The following MSI2 variants were observed in gnomAD, a reference collection of about 807,000 sequenced individuals.
MSI2 encodes the protein RNA-binding protein Musashi homolog 2.
In MSI2, 17 loss-of-function variants were observed where a neutral mutation model predicts 45.6. That is an observed-to-expected ratio of 0.37 (90% CI 0.26 to 0.56). The LOEUF is 0.56. Ranked by LOEUF, MSI2 falls within the 20% of genes least tolerant of loss-of-function variation. The pLI is 0.77. For missense variants in MSI2, 293 were observed against 444.2 expected (o/e 0.66, Z 3.06); for synonymous variants, 156 against 158.2 (o/e 0.99, Z 0.11).
chr17:57,377,751 C>A (rs577541164), intron 5 of MSI2, among the ~76,000 whole-genome samples: 1 of 152,020 alleles, frequency 6.6e-6, no homozygotes, highest in Non-Finnish European at 1.5e-5. Context: ...CTAGATAGAA[C>A]CTGTCTTCCA....
chr17:57,425,276 A>G (rs1320021697), intron 6 of MSI2, among the ~76,000 whole-genome samples: 1 of 145,820 alleles, frequency 6.9e-6, no homozygotes, highest in Non-Finnish European at 1.5e-5. Context: ...TGATCTGTAA[A>G]TGAAGGAAGT....
intron 7 of MSI2, among the ~76,000 whole-genome samples, chr17:57,542,499 C>G (rs117116234): frequency 1.3e-5 from 2 of 152,162 alleles, no homozygotes; most frequent in African/African-American, 2.4e-5. Context: ...GGAATTGGAT[C>G]GATGGTTTCC....
At chr17:57,671,056 T>A (rs1912738505) in intron 11 of MSI2, among the ~76,000 whole-genome samples, 1 of 152,058 alleles carries the variant, frequency 6.6e-6, no homozygotes, top group Admixed American at 6.6e-5. Context: ...CCTTACATCA[T>A]TGCTGCCTCT....
intron 6 of MSI2, among the ~76,000 whole-genome samples, chr17:57,515,646 T>C (rs2086455989): frequency 6.6e-6 from 1 of 152,174 alleles, no homozygotes; most frequent in Non-Finnish European, 1.5e-5. Flanking sequence ...TCCTGAGGAC[T>C]AGGGAGAGGA....
chr17:57,275,680 T>A (rs1477840009), intron 5 of MSI2, among the ~76,000 whole-genome samples: 2 of 152,082 alleles, frequency 1.3e-5, no homozygotes, highest in Non-Finnish European at 2.9e-5. Context: ...ATCATGATTA[T>A]AAGTGGATCC....
chr17:57,624,293 C>CG (rs1908590326), intron 9 of MSI2, among the ~76,000 whole-genome samples: 2 of 152,136 alleles, frequency 1.3e-5, no homozygotes, highest in Admixed American at 1.3e-4. Context: ...TGGAAAGCCC[C>CG]TAGGCAGCCA....
intron 5 of MSI2, among the ~76,000 whole-genome samples, chr17:57,372,150 T>C (rs1411717581): frequency 1.3e-5 from 2 of 152,200 alleles, no homozygotes. Flanking sequence ...TTTAAAAAGA[T>C]TGGGGTTTCT....
intron 13 of MSI2, among the ~76,000 whole-genome samples, chr17:57,677,510 T>C (rs574992956): frequency 8.4e-4 from 128 of 152,284 alleles, no homozygotes; most frequent in Non-Finnish European, 1.5e-3. Flanking sequence ...GAGCTGGCCC[T>C]GTGGGTTGCT....
chr17:57,364,947 C>T (rs1917083733), intron 5 of MSI2: 1 of 151,744 alleles, frequency 6.6e-6, no homozygotes, highest in South Asian at 2.1e-4. Context: ...TCCTCCATGG[C>T]ACAGGATTTT....
At chr17:57,561,476 C>T (rs551894158) in intron 7 of MSI2, among the ~76,000 whole-genome samples, 2 of 152,304 alleles carry the variant, frequency 1.3e-5, no homozygotes, top group South Asian at 2.1e-4. Context: ...GTGAATTGTG[C>T]TTGAACTAGC....
intron 7 of MSI2, among the ~76,000 whole-genome samples, chr17:57,561,993 C>A (rs1207387315): frequency 6.6e-6 from 1 of 152,184 alleles, no homozygotes; most frequent in African/African-American, 2.4e-5. Flanking sequence ...ACCTCTCTGA[C>A]CCTCTCTGAT....
chr17:57,517,377 G>A (rs1356646770), intron 6 of MSI2, among the ~76,000 whole-genome samples: 2 of 152,206 alleles, frequency 1.3e-5, no homozygotes, highest in Non-Finnish European at 2.9e-5. Flanking sequence ...TATACAGTTC[G>A]CAGAATTCTG....
At chr17:57,445,586 G>T (rs745433245) in intron 6 of MSI2, among the ~76,000 whole-genome samples, 3 of 151,896 alleles carry the variant, frequency 2.0e-5, no homozygotes, top group Non-Finnish European at 4.4e-5. Context: ...ATTCTTTTTA[G>T]TAGGTTTAAT....
At chr17:57,580,659 G>A (rs1246262849) in intron 7 of MSI2, among the ~76,000 whole-genome samples, 1 of 152,170 alleles carries the variant, frequency 6.6e-6, no homozygotes, top group African/African-American at 2.4e-5. Flanking sequence ...TTTCATGCCT[G>A]GATACCCCTG....
rs761256863 is a variant in MSI2 at position 57,632,244 on chromosome 17, G to A, written c.727+4941G>A. ...AGCTTTGAAGTGCTGGTGGTCCAGA[G>A]GGGTTGCAGATACGTGACTTGGAGC... On this transcript the variant is annotated intron_variant, in intron 10 of 13. Transcript: ENST00000284073. 92 of 1,090,388 alleles carry A rather than the reference G, an allele frequency of 8.4e-5. 1 individual carries two copies. The African/African-American group carries it at 1.0e-3, about 12-fold the overall frequency. 67.5% of individuals were successfully genotyped at this position (1,090,388 alleles called of 1,614,324 possible). A position where few individuals can be genotyped will look rare whatever the true frequency, so the allele number is the denominator to read the frequency against.
chr17:57,424,302 A>G (rs116601096), intron 6 of MSI2, among the ~76,000 whole-genome samples: 5,386 of 152,320 alleles, frequency 0.035, 110 homozygotes, highest in Middle Eastern at 0.085. Context: ...AAAATCAGAC[A>G]TACATTTGAA....
At position 57,477,145 on chromosome 17, in the gene MSI2, G is replaced by GGTGTGTGTGT. The variant is rs59127306; in HGVS notation, c.406-52484_406-52475dup. 4.0e-3 allele frequency among the ~76,000 whole-genome samples: 471 copies of GGTGTGTGTGT among 118,708 alleles called. 4 individuals are homozygous for GGTGTGTGTGT. The highest frequency in any genetic ancestry group is 8.4e-3 in the Middle Eastern group (2 of 238). The allele number at this position is 118,708 out of a possible 152,430, so 77.9% of individuals were successfully genotyped here. On this transcript the variant is annotated intron_variant, in intron 6 of 13. Coordinates refer to ENST00000284073, the MANE Select transcript of MSI2 (RefSeq NM_138962.4). ...TCACTTCTGTTGGTCCATAAGGCCT[G>GGTGTGTGTGT]GTGTGTGTGTGTGTGTGTGTGTGTG...
chr17:57,285,092 T>TA (rs904290421), intron 5 of MSI2, among the ~76,000 whole-genome samples: 1 of 151,762 alleles, frequency 6.6e-6, no homozygotes, highest in Non-Finnish European at 1.5e-5. Context: ...CTTTTCACCT[T>TA]AAAAAAAATT....
intron 5 of MSI2, among the ~76,000 whole-genome samples, chr17:57,396,860 T>C (rs1393366722): frequency 1.1e-4 from 17 of 151,990 alleles, no homozygotes; most frequent in Non-Finnish European, 2.5e-4. Flanking sequence ...CCTTAAACCA[T>C]AAAAGGAGGG....
Sources: gnomAD v4.1 joint callset for allele counts (sites outside exome capture counted in the v4.1 genomes callset) on GRCh38, gnomAD v4.1.1 for gene constraint, MANE v1.5 for transcripts, NCBI Gene and HGNC (gene_info 2026-07-23, HGNC 2026-07-21) for gene names.